The following KSR2 variants were observed in gnomAD, a reference collection of about 807,000 sequenced individuals.
KSR2 encodes the protein kinase suppressor of ras 2.
A neutral mutation model predicts 107.8 loss-of-function variants in KSR2; 25 were observed. That is an observed-to-expected ratio of 0.23 (90% CI 0.17 to 0.32). KSR2 has a LOEUF of 0.32. KSR2 is among the 10% of genes least tolerant of loss of function. KSR2 has a pLI of 1.00. For synonymous variants in KSR2, 480 were observed against 507.0 expected (o/e 0.95, Z 0.71); for missense variants, 887 against 1,268.9 (o/e 0.70, Z 4.57).
intron 5 of KSR2, among the ~76,000 whole-genome samples, chr12:117,659,846 T>C (rs1161360096): frequency 3.3e-5 from 5 of 152,222 alleles, no homozygotes; most frequent in African/African-American, 1.2e-4. Flanking sequence ...TCAAAGGATG[T>C]ATAATTGGTT....
At chr12:117,501,738 G>T (rs943719190) in intron 14 of KSR2, among the ~76,000 whole-genome samples, 2 of 152,218 alleles carry the variant, frequency 1.3e-5, no homozygotes, top group Admixed American at 6.5e-5. Context: ...CCTGTGTTAC[G>T]CAAGGTGGAG....
chr12:117,528,793 G>A lies in KSR2; in HGVS notation c.1803-1674C>T, dbSNP rs559158508. ...GCCACCCTCCTCTCTGCATCAAGGC[G>A]TGATTCCAGCAGCCAGGGCTATTCA... On this transcript the variant is annotated intron_variant, in intron 12 of 19. Coordinates refer to ENST00000339824, the MANE Select transcript of KSR2 (RefSeq NM_173598.6). Among the ~76,000 whole-genome samples the A allele has an allele frequency of 6.5e-4, 99 of 152,312 alleles. No homozygotes were observed. The South Asian group carries it at 8.7e-3, about 13-fold the overall frequency.
chr12:117,626,950 C>A lies in KSR2; in HGVS notation c.1171+40524G>T, dbSNP rs896429449. Among the ~76,000 whole-genome samples the A allele has an allele frequency of 2.0e-5, 3 of 151,826 alleles. No homozygotes were observed. In the East Asian group the frequency reaches 5.8e-4, roughly 29 times the overall value. On this transcript the variant is annotated intron_variant, in intron 5 of 19. Transcript: ENST00000339824. Reference sequence around the variant, plus strand: ...CTTCTTGTTAAATTGATCCCTTTACCATTATGTAATGGGCTTCTTTTGATC... The same window carrying A: ...CTTCTTGTTAAATTGATCCCTTTACAATTATGTAATGGGCTTCTTTTGATC...
At position 117,819,589 on chromosome 12, in the gene KSR2, A is replaced by G. The variant is rs547893033; in HGVS notation, c.472+35839T>C. On this transcript the variant is annotated intron_variant, in intron 3 of 19. Transcript: ENST00000339824. Reference sequence around the variant, plus strand: ...CTGGGCAGCTGATTAAATGTTGATTATATCTCAGTTAAGCTGTCAAAAAAA... The same window carrying G: ...CTGGGCAGCTGATTAAATGTTGATTGTATCTCAGTTAAGCTGTCAAAAAAA... 2.0e-5 allele frequency among the ~76,000 whole-genome samples: 3 copies of G among 152,344 alleles called. No individual in the cohort carries two copies. In the South Asian group the frequency reaches 6.2e-4, roughly 32 times the overall value.
At chr12:117,835,744 C>T (rs1016387984) in intron 3 of KSR2, among the ~76,000 whole-genome samples, 2 of 152,032 alleles carry the variant, frequency 1.3e-5, no homozygotes, top group African/African-American at 4.8e-5. Flanking sequence ...TGTTAAACAT[C>T]TTCCAAGGCA....
intron 5 of KSR2, among the ~76,000 whole-genome samples, chr12:117,606,891 G>A (rs1403593923): frequency 7.2e-5 from 11 of 151,940 alleles, no homozygotes; most frequent in Non-Finnish European, 1.5e-4. Context: ...ATAAACACAG[G>A]ACTGGGAAGA....
chr12:117,727,748 T>A (rs1887492682), intron 4 of KSR2, among the ~76,000 whole-genome samples: 1 of 152,112 alleles, frequency 6.6e-6, no homozygotes, highest in African/African-American at 2.4e-5. Context: ...TGTGAGACAA[T>A]GGAATTCTGT....
At chr12:117,893,197 T>G (rs2137364777) in intron 1 of KSR2, among the ~76,000 whole-genome samples, 1 of 152,144 alleles carries the variant, frequency 6.6e-6, no homozygotes, top group South Asian at 2.1e-4. Flanking sequence ...TTTGTATTTT[T>G]GGTAGAGATA....
chr12:117,613,190 T>C (rs927148156), intron 5 of KSR2, among the ~76,000 whole-genome samples: 1 of 152,250 alleles, frequency 6.6e-6, no homozygotes, highest in Non-Finnish European at 1.5e-5. Context: ...CATACTTCCC[T>C]AGTGGGGCTG....
chr12:117,944,474 T>C (rs920937317), intron 1 of KSR2, among the ~76,000 whole-genome samples: 2 of 152,154 alleles, frequency 1.3e-5, no homozygotes, highest in African/African-American at 4.8e-5. Flanking sequence ...CATTTATATG[T>C]GACGTCCAGA....
At chr12:117,529,658 G>A (rs1875469397) in intron 12 of KSR2, among the ~76,000 whole-genome samples, 1 of 151,900 alleles carries the variant, frequency 6.6e-6, no homozygotes, top group African/African-American at 2.4e-5. Flanking sequence ...CCAGCAATAG[G>A]AAAATGGTTA....
intron 3 of KSR2, among the ~76,000 whole-genome samples, chr12:117,803,857 C>T (rs1006695704): frequency 6.6e-6 from 1 of 152,142 alleles, no homozygotes; most frequent in Non-Finnish European, 1.5e-5. Context: ...TACACTGGGG[C>T]TCAGAGAGGT....
At chr12:117,928,815 A>G (rs1029222353) in intron 1 of KSR2, among the ~76,000 whole-genome samples, 1 of 152,178 alleles carries the variant, frequency 6.6e-6, no homozygotes, top group Non-Finnish European at 1.5e-5. Flanking sequence ...TTCACATTTA[A>G]TCATTTCAAC....
intron 1 of KSR2, among the ~76,000 whole-genome samples, chr12:117,916,492 C>T (rs1220610330): frequency 6.6e-6 from 1 of 152,194 alleles, no homozygotes; most frequent in Non-Finnish European, 1.5e-5. Flanking sequence ...AGTATATGCA[C>T]TTGCTGGATC....
intron 3 of KSR2, among the ~76,000 whole-genome samples, chr12:117,815,990 AGTGT>A (rs35013081): frequency 0.12 from 14,055 of 113,146 alleles, 891 homozygotes; most frequent in Admixed American, 0.18. Context: ...AAAAAAATAA[AGTGT>A]GTGTGTGTGT....
Position 117,703,655 on chromosome 12 carries a change from C to T in KSR2, c.987-35997G>A, listed in dbSNP as rs115771610. Among the ~76,000 whole-genome samples, 998 of 152,260 alleles carry T rather than the reference C, an allele frequency of 6.6e-3. 6 individuals are homozygous for T. The highest frequency in any genetic ancestry group is 0.022 in the African/African-American group (915 of 41,556). The stretch of plus-strand genomic sequence containing the variant: ...AAAACCACTTGTGTGTCTTAAGTGA[C>T]GCTGAATTTATCAAACACACACAGC... On this transcript the variant is annotated intron_variant, in intron 4 of 19. Coordinates refer to ENST00000339824, the MANE Select transcript of KSR2 (RefSeq NM_173598.6).
chr12:117,957,748 T>TACACAC (rs60722226), intron 1 of KSR2, among the ~76,000 whole-genome samples: 5,301 of 148,034 alleles, frequency 0.036, 234 homozygotes, highest in African/African-American at 0.098. Flanking sequence ...AATTGTGAGT[T>TACACAC]ACACACACAC....
At chr12:117,719,863 T>C (rs1887137934) in intron 4 of KSR2, among the ~76,000 whole-genome samples, 1 of 152,224 alleles carries the variant, frequency 6.6e-6, no homozygotes, top group Non-Finnish European at 1.5e-5. Context: ...TCTGAGAATA[T>C]TAGAACTATA....
chr12:117,710,511 C>T lies in KSR2; in HGVS notation c.987-42853G>A, dbSNP rs182196752. Among the ~76,000 whole-genome samples, 317 of 152,150 alleles carry T rather than the reference C, an allele frequency of 2.1e-3. 2 individuals carry two copies. The highest frequency in any genetic ancestry group is 3.3e-3 in the Non-Finnish European group (223 of 68,004). ...TTGGCAGAGGAGCGTGATGTTGGAGCAGAGGGTAAACAGAGGCAAGTGTTT... is the reference window on the plus strand; with the variant it reads ...TTGGCAGAGGAGCGTGATGTTGGAGTAGAGGGTAAACAGAGGCAAGTGTTT... On this transcript the variant is annotated intron_variant, in intron 4 of 19. Coordinates refer to ENST00000339824, the MANE Select transcript of KSR2 (RefSeq NM_173598.6).
Sources: allele counts gnomAD v4.1 joint callset (sites outside exome capture counted in the v4.1 genomes callset), GRCh38; gene constraint gnomAD v4.1.1; transcripts MANE v1.5; gene names NCBI Gene and HGNC (gene_info 2026-07-23, HGNC 2026-07-21).